Variants in NFX1 observed in about 807,000 individuals in gnomAD.
NFX1 encodes the protein nuclear transcription factor, X-box binding 1.
A neutral mutation model predicts 137.2 loss-of-function variants in NFX1; 69 were observed. The ratio of observed to expected loss-of-function variants is 0.50; its 90% CI spans 0.41 to 0.61. The LOEUF is 0.61. Ranked by LOEUF, NFX1 falls within the 20% of genes least tolerant of loss-of-function variation. The probability of loss-of-function intolerance (pLI) is 0.00; values close to 1 mark genes in which losing one functional copy is unlikely to be tolerated. For synonymous variants in NFX1, 495 were observed against 474.1 expected (o/e 1.04, Z -0.57); for missense variants, 1,167 against 1,391.0 (o/e 0.84, Z 2.56).
At position 33,369,897 on chromosome 9, in the gene NFX1, G is replaced by GT. The variant is rs763191350; in HGVS notation, c.3291-4dup. The GT allele has an allele frequency of 2.4e-5, 39 of 1,610,484 alleles. No individual in the cohort carries two copies. The Middle Eastern group carries it at 6.6e-4, about 27-fold the overall frequency. On this transcript the variant is annotated splice_polypyrimidine_tract_variant and intron_variant, in intron 23 of 23. Transcript: ENST00000379540. ...AGAAAAGACTGATCATTCTTTGTTT[G>GT]TTTTTCAGGAATCCTGGGAGCAGTA...
chr9:33,361,646 G>A (rs902554378), intron 19 of NFX1, among the ~76,000 whole-genome samples: 4 of 151,676 alleles, frequency 2.6e-5, no homozygotes, highest in Non-Finnish European at 4.4e-5. Flanking sequence ...GGTTGCGGGC[G>A]CCTGTAATCC....
rs771209135 is a variant in NFX1, at chr9:33,366,673, A to T, written c.3084A>T (p.Arg1028Ser). The T allele has an allele frequency of 6.2e-7, 1 of 1,614,146 alleles. No homozygotes were observed. The highest frequency in any genetic ancestry group is 8.5e-7 in the Non-Finnish European group (1 of 1,180,030). Residue 1028 changes from arginine to serine, a missense_variant, in exon 22 of 24, where the codon AGA becomes AGT. Arg to Ser is a moderately radical substitution (Grantham distance 110). Around this residue, in one of 3 missense-constraint regions of NFX1, gnomAD observed 312 missense variants for 312.8 expected, o/e 1.00. Coordinates refer to ENST00000379540, the MANE Select transcript of NFX1 (RefSeq NM_002504.6). ...GCCACAGCTTCCCTCCCATGAACAGAGACCACCGCCGGATCATCCATGACT... is the reference window on the plus strand; with the variant it reads ...GCCACAGCTTCCCTCCCATGAACAGTGACCACCGCCGGATCATCCATGACT... The part of the protein sequence containing the change: ...KKSHSFPPMN[R>S]DHRRIIHDLA...
chr9:33,353,545 G>T (rs1172178215), intron 17 of NFX1, among the ~76,000 whole-genome samples: 1 of 152,162 alleles, frequency 6.6e-6, no homozygotes, highest in Non-Finnish European at 1.5e-5. Flanking sequence ...TGCTCTAGGG[G>T]ATACTGAGGG....
intron 19 of NFX1, among the ~76,000 whole-genome samples, chr9:33,362,953 C>T (rs889162188): frequency 6.6e-6 from 1 of 151,878 alleles, no homozygotes; most frequent in East Asian, 1.9e-4. Context: ...ATCCGCCCGC[C>T]TCGGCCTCCC....
chr9:33,315,449 C>T (rs628777), intron 7 of NFX1, among the ~76,000 whole-genome samples: 3,824 of 152,168 alleles, frequency 0.025, 169 homozygotes, highest in African/African-American at 0.087. Context: ...ATACTCTCTC[C>T]TTCGTCTGCC....
At chr9:33,303,158 A>G (rs764989805) in intron 3 of NFX1, 33 bp from the exon 4 acceptor site, 1 of 1,588,512 alleles carries the variant, frequency 6.3e-7, no homozygotes, top group Admixed American at 1.7e-5. Flanking sequence ...TTGGAAGAAA[A>G]TTTATTTGGC....
intron 15 of NFX1, chr9:33,348,775 A>G (rs545979899): frequency 2.4e-5 from 24 of 985,240 alleles, no homozygotes; most frequent in Middle Eastern, 1.0e-3. Flanking sequence ...CTACTGAGAA[A>G]GAAATACTCT....
rs1166963980 is a variant in NFX1, at chr9:33,367,625, A to T, written c.3290+6A>T. 2 of 1,612,984 alleles carry T rather than the reference A, an allele frequency of 1.2e-6. No individual in the cohort carries two copies. The highest frequency in any genetic ancestry group is 3.3e-5 in the Admixed American group (2 of 59,972). ...CACAGACATCAGTCAGACAAGTAAG[A>T]TTCTCCAGCTGCTTTCCAAGGGGAC... On this transcript the variant is annotated splice_donor_region_variant and intron_variant, in intron 23 of 23. Transcript: ENST00000379540.
intron 14 of NFX1, among the ~76,000 whole-genome samples, chr9:33,344,425 C>T (rs1823337824): frequency 6.6e-6 from 1 of 152,156 alleles, no homozygotes; most frequent in Non-Finnish European, 1.5e-5. Context: ...GGAAGACTCC[C>T]CAGCTGATCT....
In NFX1 at chr9:33,352,675, A is replaced by G. The variant is rs1564143302; in HGVS notation, c.2685A>G (p.Arg895=). ...AGCTACAGTGTGAATGTGGACGAAG[A>G]AAAGAGATGGTGATTTGCTCTGAAG... ...KVELQCECGR[R]KEMVICSEAS... The change falls in exon 17 of 24, where the codon AGA becomes AGG. Residue 895 remains arginine, a synonymous_variant. Transcript: ENST00000379540. The G allele has an allele frequency of 6.2e-7, 1 of 1,614,110 alleles. No homozygotes were observed.
rs377668136 is a variant in NFX1 at position 33,367,577 on chromosome 9, G to A, written c.3248G>A (p.Arg1083Gln). The A allele has an allele frequency of 4.3e-6, 7 of 1,613,668 alleles. No homozygotes were observed. Among genetic ancestry groups the A allele is most frequent in the South Asian group, 1.1e-5 (1 of 91,064 alleles). Reference sequence around the variant, plus strand: ...GTGCTTGAAAGGGAAATGCAGGCACGGCCTCCACCACCGATTCCTCATCAC... The same window carrying A: ...GTGCTTGAAAGGGAAATGCAGGCACAGCCTCCACCACCGATTCCTCATCAC... ...TGVLEREMQARPPPPIPHHRH... is the reference protein window; with the variant it reads ...TGVLEREMQAQPPPPIPHHRH... The change falls in exon 23 of 24, where the codon CGG becomes CAG. Residue 1083 changes from arginine to glutamine, a missense_variant. Coordinates refer to ENST00000379540, the MANE Select transcript of NFX1 (RefSeq NM_002504.6).
intron 3 of NFX1, 27 bp from the exon 4 acceptor site, chr9:33,303,164 T>C (rs752195519): frequency 6.3e-7 from 1 of 1,598,286 alleles, no homozygotes; most frequent in South Asian, 1.1e-5. Context: ...GAAAATTTAT[T>C]TGGCCTACTC....
At chr9:33,350,768 C>T (rs549511874) in intron 15 of NFX1, among the ~76,000 whole-genome samples, 25 of 152,314 alleles carry the variant, frequency 1.6e-4, no homozygotes, top group Admixed American at 1.4e-3. Context: ...AGGCAAGAGG[C>T]TCACTTGAGC....
intron 19 of NFX1, 81 bp from the exon 20 acceptor site, chr9:33,363,929 G>A (rs1453389029): frequency 8.5e-6 from 7 of 820,162 alleles, no homozygotes; most frequent in Non-Finnish European, 1.3e-5. Flanking sequence ...AAAGAATTTA[G>A]GATATAGTAG....
At chr9:33,308,153 A>T (rs1821828083) in intron 5 of NFX1, among the ~76,000 whole-genome samples, 1 of 152,118 alleles carries the variant, frequency 6.6e-6, no homozygotes, top group Non-Finnish European at 1.5e-5. Context: ...TGTAGATTAT[A>T]TCCATAAGCC....
intron 6 of NFX1, 63 bp from the exon 7 acceptor site, chr9:33,313,591 T>G: frequency 6.4e-7 from 1 of 1,563,968 alleles, no homozygotes; most frequent in Middle Eastern, 1.7e-4. Context: ...GCCGCAGTGT[T>G]AGTTTGGTTG....
chr9:33,294,638 A>C lies in NFX1; in HGVS notation c.244A>C (p.Ser82Arg), dbSNP rs138032838. Residue 82 changes from serine (S) to arginine (R), a missense_variant, in exon 2 of 24, where the codon AGT becomes CGT. Ser to Arg is a moderately radical substitution (Grantham distance 110). Coordinates refer to ENST00000379540, the MANE Select transcript of NFX1 (RefSeq NM_002504.6). ...SYHPSGSKPK[S>R]QQTSFQSSPC... ...TCATCCGTCAGGAAGCAAACCTAAG[A>C]GTCAGCAGACGTCTTTCCAGTCCTC... 2.0e-4 allele frequency: 329 copies of C among 1,614,096 alleles called. No individual in the cohort carries two copies. The highest frequency in any genetic ancestry group is 2.7e-4 in the Non-Finnish European group (313 of 1,180,042).
rs183395982 is a variant in NFX1 at position 33,296,925 on chromosome 9, C to G, written c.1033+1498C>G. 3.3e-5 allele frequency among the ~76,000 whole-genome samples: 5 copies of G among 152,316 alleles called. No homozygotes were observed. In the East Asian group the frequency reaches 9.6e-4, roughly 29 times the overall value. On this transcript the variant is annotated intron_variant, in intron 2 of 23. Coordinates refer to ENST00000379540, the MANE Select transcript of NFX1 (RefSeq NM_002504.6). ...TCTGTAAGCTCCTTAAAAACAGACA[C>G]TGTATATTTCTTTTCTTTTTTTGTG...
At chr9:33,299,913 T>C (rs1821491021) in intron 2 of NFX1, among the ~76,000 whole-genome samples, 1 of 152,088 alleles carries the variant, frequency 6.6e-6, no homozygotes, top group Non-Finnish European at 1.5e-5. Context: ...GGAGAGCCAA[T>C]ATTATGGAAT....
Sources: allele counts gnomAD v4.1 joint callset (sites outside exome capture counted in the v4.1 genomes callset), GRCh38; gene constraint gnomAD v4.1.1; regional missense constraint gnomAD v4.1.1; transcripts MANE v1.5; gene names NCBI Gene and HGNC (gene_info 2026-07-23, HGNC 2026-07-21).